Variants in TSPAN12 observed in about 807,000 individuals in gnomAD.
TSPAN12 encodes the protein tetraspanin-12.
Under a neutral mutation model 39.2 loss-of-function variants are expected in TSPAN12, and 19 were observed. The observed-to-expected ratio is 0.49, with a 90% CI of 0.34 to 0.71. TSPAN12 has a LOEUF of 0.71. TSPAN12 is among the 30% of genes least tolerant of loss of function. The probability of loss-of-function intolerance (pLI) is 0.01; values close to 1 mark genes in which losing one functional copy is unlikely to be tolerated. For missense variants in TSPAN12, 314 were observed against 359.9 expected (o/e 0.87, Z 1.03); for synonymous variants, 119 against 124.8 (o/e 0.95, Z 0.31).
chr7:120,807,680 T>C (rs1192161039), intron 6 of TSPAN12, among the ~76,000 whole-genome samples: 9 of 151,992 alleles, frequency 5.9e-5, no homozygotes, highest in African/African-American at 2.2e-4. Context: ...TAACTAAAAT[T>C]AACTTTGAAG....
intron 4 of TSPAN12, among the ~76,000 whole-genome samples, chr7:120,825,125 AATGTTTTCCTTGAACACTTTTACAT>A (rs1794260378): frequency 6.6e-6 from 1 of 152,196 alleles, no homozygotes; most frequent in African/African-American, 2.4e-5. Flanking sequence ...AAAGAATTGT[AATGTTTTCCTTGAACACTTTTACAT>A]AAGGTTTTTT....
chr7:120,815,702 T>C lies in TSPAN12; in HGVS notation c.360+27A>G, dbSNP rs369154765. ...TAAAAGGCTGAACTGTTGTTTTAGA[T>C]TGTGATTATATCTATTTTGAACTCA... On this transcript the variant is annotated intron_variant, in intron 5 of 7. Transcript: ENST00000222747. 6 of 1,593,830 alleles carry C rather than the reference T, an allele frequency of 3.8e-6. No individual in the cohort carries two copies. In the Admixed American group the frequency reaches 6.7e-5, roughly 18 times the overall value.
intron 6 of TSPAN12, 83 bp downstream of exon 6, chr7:120,810,380 T>G: frequency 1.1e-6 from 1 of 898,988 alleles, no homozygotes; most frequent in Non-Finnish European, 1.9e-6. Context: ...CAGAGGAAAT[T>G]ACCAAAGCTA....
intron 4 of TSPAN12, among the ~76,000 whole-genome samples, chr7:120,823,308 T>C (rs912983680): frequency 6.6e-6 from 1 of 151,974 alleles, no homozygotes; most frequent in African/African-American, 2.4e-5. Context: ...TATATATATA[T>C]ATATATTCGA....
intron 7 of TSPAN12, among the ~76,000 whole-genome samples, chr7:120,805,014 C>T (rs149948308): frequency 0.012 from 1,787 of 152,148 alleles, 16 homozygotes; most frequent in Middle Eastern, 0.055. Flanking sequence ...GAGTTAGCCT[C>T]CAGAACACTG....
rs927522090 is a variant in TSPAN12, at chr7:120,840,124, G to C, written c.67-15C>G. The C allele has an allele frequency of 1.6e-5, 25 of 1,594,992 alleles. No individual in the cohort carries two copies. Among genetic ancestry groups the C allele is most frequent in the Non-Finnish European group, 2.2e-5 (25 of 1,162,792 alleles). ...ATGGACATTAACTGGGGAGAAAAAA[G>C]TACAAACCGGTTACCAAAGATTTAC... On this transcript the variant is annotated splice_polypyrimidine_tract_variant and intron_variant, in intron 2 of 7. Transcript: ENST00000222747.
At chr7:120,816,699 T>C (rs1244937826) in intron 4 of TSPAN12, among the ~76,000 whole-genome samples, 3 of 152,090 alleles carry the variant, frequency 2.0e-5, no homozygotes, top group Non-Finnish European at 2.9e-5. Context: ...AAATCCATCA[T>C]GTAGGCATTA....
intron 7 of TSPAN12, among the ~76,000 whole-genome samples, chr7:120,797,030 G>A (rs750081927): frequency 3.5e-4 from 53 of 152,258 alleles, no homozygotes; most frequent in African/African-American, 4.8e-4. Context: ...GGTGGCAGGC[G>A]CCTGTAGTCC....
chr7:120,843,567 C>T (rs192928133), intron 2 of TSPAN12, among the ~76,000 whole-genome samples: 6 of 152,290 alleles, frequency 3.9e-5, no homozygotes, highest in Non-Finnish European at 7.4e-5. Context: ...CTATACCTTC[C>T]CATAGGAACC....
intron 7 of TSPAN12, among the ~76,000 whole-genome samples, chr7:120,797,725 G>A (rs1287448156): frequency 1.3e-5 from 2 of 152,060 alleles, no homozygotes; most frequent in African/African-American, 4.8e-5. Context: ...CTTCCCTGTC[G>A]TTCACTCCCC....
At chr7:120,846,725 G>C (rs1584952765) in intron 2 of TSPAN12, among the ~76,000 whole-genome samples, 1 of 152,164 alleles carries the variant, frequency 6.6e-6, no homozygotes, top group Non-Finnish European at 1.5e-5. Flanking sequence ...AAGTGAAGAG[G>C]ACACAGGTTA....
intron 2 of TSPAN12, among the ~76,000 whole-genome samples, chr7:120,852,261 A>C (rs2116506121): frequency 6.6e-6 from 1 of 152,296 alleles, no homozygotes; most frequent in Admixed American, 6.5e-5. Context: ...AGATTTAAAA[A>C]AACTAAGACT....
chr7:120,815,114 A>C (rs745444149), intron 5 of TSPAN12, among the ~76,000 whole-genome samples: 10 of 152,204 alleles, frequency 6.6e-5, no homozygotes, highest in Non-Finnish European at 1.2e-4. Context: ...ACCCATGTTT[A>C]AGCAGCCTGT....
In TSPAN12 at chr7:120,788,564, T is replaced by C. The variant is rs1435512820; in HGVS notation, c.*28A>G. 3 of 1,613,554 alleles carry C rather than the reference T, an allele frequency of 1.9e-6. No homozygotes were observed. The highest frequency in any genetic ancestry group is 2.2e-5 in the East Asian group (1 of 44,870). On this transcript the variant is annotated 3_prime_UTR_variant, in exon 8 of 8. Coordinates refer to ENST00000222747, the MANE Select transcript of TSPAN12 (RefSeq NM_012338.4). ...AATTCACAAGTCCAGTAAAACAAGT[T>C]TGTGGTTTTCTTCTGTGACATTTCT... is the stretch of plus-strand genomic sequence containing the variant.
At chr7:120,799,568 A>T (rs1486910188) in intron 7 of TSPAN12, among the ~76,000 whole-genome samples, 2 of 107,438 alleles carry the variant, frequency 1.9e-5, no homozygotes, top group African/African-American at 7.4e-5. Context: ...AAATATAATT[A>T]TTTATATAAT....
At chr7:120,854,847 T>G (rs1794840961) in intron 2 of TSPAN12, among the ~76,000 whole-genome samples, 1 of 152,120 alleles carries the variant, frequency 6.6e-6, no homozygotes, top group South Asian at 2.1e-4. Context: ...TAGGTGATAT[T>G]GGGAGAAGAG....
At chr7:120,809,611 C>T (rs188243080) in intron 6 of TSPAN12, among the ~76,000 whole-genome samples, 124 of 152,206 alleles carry the variant, frequency 8.1e-4, no homozygotes, top group Non-Finnish European at 4.1e-4. Flanking sequence ...TGCGGCCTAG[C>T]ACTAAGATAA....
At chr7:120,854,845 A>G (rs1794840831) in intron 2 of TSPAN12, among the ~76,000 whole-genome samples, 1 of 152,182 alleles carries the variant, frequency 6.6e-6, no homozygotes, top group Non-Finnish European at 1.5e-5. Flanking sequence ...CGTAGGTGAT[A>G]TTGGGAGAAG....
intron 7 of TSPAN12, among the ~76,000 whole-genome samples, chr7:120,801,090 A>T (rs1256039004): frequency 6.6e-6 from 1 of 151,988 alleles, no homozygotes; most frequent in African/African-American, 2.4e-5. Flanking sequence ...CCGGCTCCTT[A>T]TCTTGTCTTT....
Sources: allele counts gnomAD v4.1 joint callset (sites outside exome capture counted in the v4.1 genomes callset), GRCh38; gene constraint gnomAD v4.1.1; transcripts MANE v1.5; gene names NCBI Gene and HGNC (gene_info 2026-07-23, HGNC 2026-07-21).